The following PCSK5 variants were observed in gnomAD, a reference collection of about 807,000 sequenced individuals.
The protein encoded by PCSK5 is prohormone convertase 5.
In PCSK5, 129 loss-of-function variants were observed where a neutral mutation model predicts 233.2. That is an observed-to-expected ratio of 0.55 (90% CI 0.48 to 0.64). The LOEUF (loss-of-function observed/expected upper bound fraction) is 0.64, where lower values mean the gene tolerates loss of function less well. Ranked by LOEUF, PCSK5 falls within the 30% of genes least tolerant of loss-of-function variation. The pLI, the probability that PCSK5 is intolerant of heterozygous loss-of-function variation, is 0.00. For synonymous variants in PCSK5, 825 were observed against 879.2 expected, an observed-to-expected ratio of 0.94 and a Z score of 1.09; for missense variants, 2,076 against 2,430.1, an observed-to-expected ratio of 0.85 and a Z score of 3.06.
intron 24 of PCSK5, among the ~76,000 whole-genome samples, chr9:76,272,556 C>T (rs1436266487): frequency 4.0e-5 from 6 of 151,768 alleles, no homozygotes; most frequent in Non-Finnish European, 5.9e-5. Flanking sequence ...GGGCGGATCA[C>T]GAGGTCAGGA....
At chr9:75,932,011 T>C (rs1178724069) in intron 1 of PCSK5, among the ~76,000 whole-genome samples, 2 of 152,222 alleles carry the variant, frequency 1.3e-5, no homozygotes, top group Non-Finnish European at 2.9e-5. Context: ...CAATGTGTTT[T>C]TATAACTAGA....
chr9:76,080,775 T>A (rs1362388629), intron 7 of PCSK5, among the ~76,000 whole-genome samples: 1 of 152,188 alleles, frequency 6.6e-6, no homozygotes, highest in Admixed American at 6.5e-5. Context: ...TATGATTAAT[T>A]CCTGTAAAAT....
intron 17 of PCSK5, among the ~76,000 whole-genome samples, chr9:76,187,049 G>A (rs1443565143): frequency 6.6e-6 from 1 of 152,086 alleles, no homozygotes; most frequent in Non-Finnish European, 1.5e-5. Flanking sequence ...CAAAATCCAG[G>A]AAGGAAATAA....
chr9:76,054,152 C>G (rs4745491), intron 5 of PCSK5, among the ~76,000 whole-genome samples: 8,688 of 152,126 alleles, frequency 0.057, 393 homozygotes, highest in East Asian at 0.24. Context: ...AAACCCACCC[C>G]CATGATTCAA....
intron 18 of PCSK5, 91 bp from the exon 19 acceptor site, chr9:76,189,003 G>T: frequency 1.8e-6 from 2 of 1,089,260 alleles, no homozygotes; most frequent in African/African-American, 1.6e-5. Flanking sequence ...ATTCTTTGAC[G>T]CCATTTTCTC....
At chr9:75,912,132 A>G (rs547861195) in intron 1 of PCSK5, among the ~76,000 whole-genome samples, 1 of 151,918 alleles carries the variant, frequency 6.6e-6, no homozygotes, top group African/African-American at 2.4e-5. Context: ...GAAGAGGGGA[A>G]CAGAGACTGG....
chr9:76,123,542 A>G (rs1254018132), intron 9 of PCSK5, among the ~76,000 whole-genome samples: 1 of 152,204 alleles, frequency 6.6e-6, no homozygotes, highest in Non-Finnish European at 1.5e-5. Flanking sequence ...GATTTCTGCA[A>G]CAGACCATTT....
At chr9:76,190,950 C>A (rs915285119) in intron 20 of PCSK5, among the ~76,000 whole-genome samples, 12 of 152,188 alleles carry the variant, frequency 7.9e-5, no homozygotes, top group African/African-American at 2.7e-4. Context: ...ATCCAATTCT[C>A]CCTAACAATT....
chr9:76,093,578 T>TAC lies in PCSK5; in HGVS notation c.895-2311_895-2310insCA, dbSNP rs199726246. Among the ~76,000 whole-genome samples, 587 of 145,774 alleles carry TAC rather than the reference T, an allele frequency of 4.0e-3. 5 individuals carry two copies. The highest frequency in any genetic ancestry group is 0.015 in the African/African-American group (565 of 36,770). On this transcript the variant is annotated intron_variant, in intron 7 of 37. Transcript: ENST00000674117. The stretch of plus-strand genomic sequence containing the variant: ...ACTGTCATAATTTTATATATATATA[T>TAC]ATATACACACACACACACACACGTG...
intron 20 of PCSK5, among the ~76,000 whole-genome samples, chr9:76,191,933 G>A (rs1824400024): frequency 8.5e-6 from 1 of 117,264 alleles, no homozygotes; most frequent in African/African-American, 3.9e-5. Context: ...ACAAATATTG[G>A]CCAGGCATGG....
At chr9:76,052,282 C>T (rs918880827) in intron 5 of PCSK5, among the ~76,000 whole-genome samples, 2 of 152,148 alleles carry the variant, frequency 1.3e-5, no homozygotes, top group Non-Finnish European at 2.9e-5. Flanking sequence ...TACATAAACC[C>T]TGTGCATTAG....
chr9:76,325,872 G>A lies in PCSK5; in HGVS notation c.4340-2137G>A, dbSNP rs140879299. Among the ~76,000 whole-genome samples the A allele has an allele frequency of 5.9e-3, 896 of 152,172 alleles. 12 individuals are homozygous for A. Among genetic ancestry groups the A allele is most frequent in the African/African-American group, 0.02 (829 of 41,502 alleles). On this transcript the variant is annotated intron_variant, in intron 32 of 37. Coordinates refer to ENST00000674117, the MANE Select transcript of PCSK5 (RefSeq NM_001372043.1). ...GGGTGGTCTCGAACTCCTGACCTTA[G>A]GTGATCTGCCCGTCTCTGCCTCCCA...
Position 76,233,606 on chromosome 9 carries a change from T to A in PCSK5, c.2866+10T>A. 1 of 1,607,142 alleles carries A rather than the reference T, an allele frequency of 6.2e-7. No homozygotes were observed. The highest frequency in any genetic ancestry group is 8.5e-7 in the Non-Finnish European group (1 of 1,178,762). ...ACCTCCTGTGGAGCAGGTGAGAGACTGCTGCTCCTCCGTCTTCTGCACCCC... is the reference window on the plus strand; with the variant it reads ...ACCTCCTGTGGAGCAGGTGAGAGACAGCTGCTCCTCCGTCTTCTGCACCCC... On this transcript the variant is annotated intron_variant, in intron 22 of 37. Coordinates refer to ENST00000674117, the MANE Select transcript of PCSK5 (RefSeq NM_001372043.1).
intron 3 of PCSK5, among the ~76,000 whole-genome samples, chr9:76,023,394 A>G (rs771818337): frequency 2.0e-5 from 3 of 152,108 alleles, no homozygotes; most frequent in Non-Finnish European, 4.4e-5. Context: ...GCCAGGCACA[A>G]TGGCTCACAC....
At chr9:76,287,640 T>C (rs888793968) in intron 24 of PCSK5, 5 of 152,286 alleles carry the variant, frequency 3.3e-5, no homozygotes, top group Admixed American at 6.5e-5. Context: ...TTTGTATTTT[T>C]AGTAGAGACG....
At chr9:76,043,618 T>A (rs186321301) in intron 5 of PCSK5, among the ~76,000 whole-genome samples, 1 of 152,312 alleles carries the variant, frequency 6.6e-6, no homozygotes, top group Admixed American at 6.5e-5. Context: ...ACAAAATGTG[T>A]TCACTAAGAA....
chr9:76,234,016 G>A (rs748628778), intron 22 of PCSK5, among the ~76,000 whole-genome samples: 10 of 152,008 alleles, frequency 6.6e-5, no homozygotes, highest in Non-Finnish European at 1.5e-5. Flanking sequence ...CAAGGTCATC[G>A]TTTCAAATGA....
chr9:76,327,182 C>G (rs1345978488), intron 32 of PCSK5, among the ~76,000 whole-genome samples: 1 of 151,300 alleles, frequency 6.6e-6, no homozygotes, highest in Admixed American at 6.6e-5. Context: ...TCACAGCTCA[C>G]TGCAGCCTTG....
At chr9:76,216,745 T>C (rs1825549115) in intron 20 of PCSK5, among the ~76,000 whole-genome samples, 2 of 152,208 alleles carry the variant, frequency 1.3e-5, no homozygotes, top group African/African-American at 4.8e-5. Flanking sequence ...AGTAATACAA[T>C]GGTTAATACA....
Sources: allele counts gnomAD v4.1 joint callset (sites outside exome capture counted in the v4.1 genomes callset), GRCh38; gene constraint gnomAD v4.1.1; transcripts MANE v1.5; gene names NCBI Gene and HGNC (gene_info 2026-07-23, HGNC 2026-07-21).